The following ALDH3B2 variants were observed in gnomAD, a reference collection of about 807,000 sequenced individuals.
ALDH3B2 encodes the protein aldehyde dehydrogenase family 3 member B2.
A neutral mutation model predicts 36.7 loss-of-function variants in ALDH3B2; 45 were observed. The observed-to-expected ratio is 1.23, with a 90% confidence interval of 0.97 to 1.57. The LOEUF (loss-of-function observed/expected upper bound fraction) is 1.57. Ranked by LOEUF, ALDH3B2 falls within the 40% of genes most tolerant of loss-of-function variation. ALDH3B2 has a pLI of 0.00. For synonymous variants in ALDH3B2, 217 were observed against 226.5 expected, an observed-to-expected ratio of 0.96 and a Z score of 0.38; for missense variants, 464 against 513.3, an observed-to-expected ratio of 0.90 and a Z score of 0.93.
At chr11:67,672,812 A>T (rs1037826015) in intron 1 of ALDH3B2, among the ~76,000 whole-genome samples, 8 of 151,692 alleles carry the variant, frequency 5.3e-5, no homozygotes, top group Non-Finnish European at 1.0e-4. Context: ...GCTGGTTTCA[A>T]ACTCCTGTCC....
intron 1 of ALDH3B2, among the ~76,000 whole-genome samples, chr11:67,672,658 C>T (rs1232225961): frequency 1.3e-5 from 2 of 151,224 alleles, no homozygotes; most frequent in Non-Finnish European, 2.9e-5. Flanking sequence ...GGCATGATCT[C>T]GGCTCACTGC....
intron 9 of ALDH3B2, 118 bp from the exon 10 acceptor site, chr11:67,663,517 T>A: frequency 7.2e-7 from 1 of 1,397,168 alleles, no homozygotes; most frequent in Non-Finnish European, 9.9e-7. Context: ...GCCAGGCCAC[T>A]CACAGAGCCA....
chr11:67,666,047 C>T lies in ALDH3B2; in HGVS notation c.319+75G>A, dbSNP rs991544868. The stretch of plus-strand genomic sequence containing the variant: ...CCCCCACTGCTGGCCCCAGCCTCCT[C>T]CCTCCACAACCCTCCCACCCTCTCT... On this transcript the variant is annotated intron_variant, in intron 6 of 9. Transcript: ENST00000349015. The T allele has an allele frequency of 9.2e-6, 14 of 1,521,250 alleles. No homozygotes were observed. In the African/African-American group the frequency reaches 1.9e-4, roughly 21 times the overall value. 94.2% of individuals were successfully genotyped at this position (1,521,250 alleles called of 1,614,324 possible).
intron 1 of ALDH3B2, among the ~76,000 whole-genome samples, chr11:67,668,740 TG>T (rs1855991712): frequency 6.9e-6 from 1 of 145,000 alleles, no homozygotes; most frequent in Non-Finnish European, 1.5e-5. Flanking sequence ...TGTGTGTGTC[TG>T]TGTATGTATG....
At chr11:67,663,746 G>A (rs147827325) in exon 9 of ALDH3B2, 293 of 1,611,856 alleles carry the variant, frequency 1.8e-4, no homozygotes, top group Non-Finnish European at 2.4e-4. Context: ...GTCCGCTCCA[G>A]CATCTGGTTC....
chr11:67,665,349 C>A, exon 7 of ALDH3B2: 1 of 1,613,104 alleles, frequency 6.2e-7, no homozygotes, highest in Non-Finnish European at 8.5e-7. Flanking sequence ...CCAGCAATGC[C>A]CGCAGCCGCT....
exon 7 of ALDH3B2, chr11:67,665,505 G>T (rs202106360): frequency 1.9e-6 from 3 of 1,614,066 alleles, no homozygotes; most frequent in East Asian, 4.5e-5. Flanking sequence ...GGGCCACGCA[G>T]GTCTGGCCGG....
At chr11:67,667,431 C>T (rs1377223392) in intron 2 of ALDH3B2, 42 bp downstream of exon 2, 3 of 349,076 alleles carry the variant, frequency 8.6e-6, no homozygotes, top group African/African-American at 2.1e-5. Flanking sequence ...AGGACAGGGA[C>T]GCTGCTCCAG....
intron 1 of ALDH3B2, among the ~76,000 whole-genome samples, chr11:67,668,480 G>T (rs1284621781): frequency 6.6e-6 from 1 of 152,184 alleles, no homozygotes; most frequent in African/African-American, 2.4e-5. Flanking sequence ...ACGGGATTCT[G>T]AGCATCCCAG....
exon 6 of ALDH3B2, chr11:67,666,137 A>G (rs780782216): frequency 6.8e-6 from 11 of 1,613,688 alleles, no homozygotes; most frequent in South Asian, 1.1e-5. Flanking sequence ...AAGAAGATGT[A>G]GTCCAACTTG....
upstream of ALDH3B2, chr11:67,674,693 C>A (rs1350186080): frequency 6.6e-6 from 1 of 152,524 alleles, no homozygotes; most frequent in East Asian, 1.9e-4. Context: ...CCATGCCTAC[C>A]CTTGTCTCAC....
rs148583661 is a variant in ALDH3B2 at position 67,665,289 on chromosome 11, G to T, written c.702C>A (p.Tyr234Ter). The change falls in exon 7 of 10, where the codon TAC becomes TAA. Residue 234 changes from tyrosine (Y) to a stop codon, truncating the protein, a stop_gained. Transcript: ENST00000349015. LOFTEE classifies it high-confidence loss of function. ...CGGTAGGGCAGCAGGACTCACCGAT[G>T]TAGCGATCGCTCTCGTTGCTCTGGC... 570 of 1,604,610 alleles carry T rather than the reference G, an allele frequency of 3.6e-4. 2 individuals are homozygous for T. Among genetic ancestry groups the T allele is most frequent in the Middle Eastern group, 1.5e-3 (9 of 6,024 alleles).
chr11:67,669,232 G>C (rs1856007431), intron 1 of ALDH3B2, among the ~76,000 whole-genome samples: 1 of 151,182 alleles, frequency 6.6e-6, no homozygotes, highest in Non-Finnish European at 1.5e-5. Context: ...ATGGGTGTCT[G>C]TGTGTGTGTG....
upstream of ALDH3B2, among the ~76,000 whole-genome samples, chr11:67,677,959 A>T (rs1477816953): frequency 1.3e-5 from 2 of 152,218 alleles, no homozygotes; most frequent in Non-Finnish European, 2.9e-5. Context: ...GCTAAAAGAA[A>T]TCATAGATGA....
upstream of ALDH3B2, chr11:67,674,757 C>G (rs1856227928): frequency 6.6e-6 from 1 of 152,420 alleles, no homozygotes; most frequent in South Asian, 2.1e-4. Flanking sequence ...GGCCCTGCCC[C>G]CAGGGACCAC....
intron 2 of ALDH3B2, 101 bp from the exon 3 acceptor site, chr11:67,667,117 T>G (rs1855943541): frequency 3.0e-6 from 2 of 659,388 alleles, no homozygotes; most frequent in Non-Finnish European, 5.3e-6. Flanking sequence ...CCACTGGACA[T>G]ATAAATACAG....
intron 1 of ALDH3B2, among the ~76,000 whole-genome samples, chr11:67,673,388 A>G (rs1856186360): frequency 6.6e-6 from 1 of 152,152 alleles, no homozygotes; most frequent in Admixed American, 6.5e-5. Context: ...CACCGGAAAC[A>G]ATATCATTAC....
chr11:67,670,852 T>C (rs1490949387), intron 1 of ALDH3B2, among the ~76,000 whole-genome samples: 2 of 152,244 alleles, frequency 1.3e-5, no homozygotes, highest in African/African-American at 4.8e-5. Flanking sequence ...TACAGGGCTC[T>C]GCAAATATTC....
At chr11:67,673,981 G>A (rs1215491922) in intron 1 of ALDH3B2, among the ~76,000 whole-genome samples, 1 of 152,196 alleles carries the variant, frequency 6.6e-6, no homozygotes, top group Non-Finnish European at 1.5e-5. Flanking sequence ...TTTAACATCT[G>A]AAACCAAAGA....
Sources: allele counts gnomAD v4.1 joint callset (sites outside exome capture counted in the v4.1 genomes callset), GRCh38; gene constraint gnomAD v4.1.1; transcripts MANE v1.5; gene names NCBI Gene and HGNC (gene_info 2026-07-23, HGNC 2026-07-21).